ETV6: variants seen among roughly 807,000 people sequenced by gnomAD.
The protein encoded by ETV6 is ETS variant transcription factor 6.
In ETV6, 16 loss-of-function variants were observed where a neutral mutation model predicts 51.1. The ratio of observed to expected loss-of-function variants is 0.31; its 90% CI spans 0.21 to 0.48. The LOEUF is 0.48. Ranked by LOEUF, ETV6 falls within the 20% of genes least tolerant of loss-of-function variation. The probability of loss-of-function intolerance (pLI) is 0.99; values close to 1 mark genes in which losing one functional copy is unlikely to be tolerated. For missense variants in ETV6, 458 were observed against 594.8 expected, an observed-to-expected ratio of 0.77 and a Z score of 2.39; for synonymous variants, 240 against 224.1, an observed-to-expected ratio of 1.07 and a Z score of -0.64.
rs930992343 is a variant in ETV6 at position 11,894,096 on chromosome 12, C to A, written c.*3050C>A. 3 of 229,706 alleles carry A rather than the reference C, an allele frequency of 1.3e-5. No individual in the cohort carries two copies. 14.2% of individuals were successfully genotyped at this position (229,706 alleles called of 1,614,324 possible). A position where few individuals can be genotyped will look rare whatever the true frequency, so the allele number is the denominator to read the frequency against. On this transcript the variant is annotated 3_prime_UTR_variant, in exon 8 of 8. Coordinates refer to ENST00000396373, the MANE Select transcript of ETV6 (RefSeq NM_001987.5). ...AAAGATTTCAGATTCAGTTAGCAAA[C>A]CTTGATGAAGCACCTGCTGGACACT...
At position 11,663,592 on chromosome 12, in the gene ETV6, G is replaced by T. The variant is rs1217284809; in HGVS notation, c.33+13432G>T. Among the ~76,000 whole-genome samples the T allele has an allele frequency of 2.6e-5, 4 of 152,172 alleles. No homozygotes were observed. In the South Asian group the frequency reaches 8.3e-4, roughly 31 times the overall value. ...ATATAGATGTAAAATATATCTCCTT[G>T]GAGGCCTGGCTTTGTGATGGGCTAT... On this transcript the variant is annotated intron_variant, in intron 1 of 7. Coordinates refer to ENST00000396373, the MANE Select transcript of ETV6 (RefSeq NM_001987.5).
chr12:11,806,065 A>G (rs1945825581), intron 2 of ETV6, among the ~76,000 whole-genome samples: 1 of 152,128 alleles, frequency 6.6e-6, no homozygotes, highest in Admixed American at 6.5e-5. Context: ...AGATTGGTGG[A>G]GGTGGCTAGA....
intron 1 of ETV6, among the ~76,000 whole-genome samples, chr12:11,691,109 T>C (rs1864753075): frequency 6.6e-6 from 1 of 152,082 alleles, no homozygotes. Flanking sequence ...GACTTCTCAC[T>C]GTGTCCTCAC....
intron 1 of ETV6, among the ~76,000 whole-genome samples, chr12:11,732,356 A>C (rs568755132): frequency 7.4e-4 from 112 of 152,206 alleles, no homozygotes; most frequent in Non-Finnish European, 1.3e-3. Flanking sequence ...ATTTCTGTTG[A>C]TCTCAGGTTT....
chr12:11,836,556 GA>G (rs1196731676), intron 2 of ETV6, among the ~76,000 whole-genome samples: 1 of 152,172 alleles, frequency 6.6e-6, no homozygotes, highest in East Asian at 1.9e-4. Flanking sequence ...AATGGGAAGT[GA>G]AAAGAGAAAC....
chr12:11,789,231 A>G (rs1945541100), intron 2 of ETV6, among the ~76,000 whole-genome samples: 1 of 151,846 alleles, frequency 6.6e-6, no homozygotes, highest in Admixed American at 6.6e-5. Context: ...ACGGGTTTTC[A>G]CCATGTTGGC....
chr12:11,828,262 T>C (rs560665917), intron 2 of ETV6, among the ~76,000 whole-genome samples: 17 of 152,346 alleles, frequency 1.1e-4, no homozygotes, highest in South Asian at 6.2e-4. Flanking sequence ...TTATTTGCAG[T>C]GATTGACCCT....
intron 4 of ETV6, among the ~76,000 whole-genome samples, chr12:11,866,321 G>A (rs1406472639): frequency 6.6e-6 from 1 of 151,762 alleles, no homozygotes; most frequent in African/African-American, 2.4e-5. Flanking sequence ...CTGTTTGTTT[G>A]TGTTAACTCC....
rs549760807 is a variant in ETV6, at chr12:11,851,536, G to A, written c.329-1891G>A. Among the ~76,000 whole-genome samples, 8 of 152,278 alleles carry A rather than the reference G, an allele frequency of 5.3e-5. No individual in the cohort carries two copies. The East Asian group carries it at 9.6e-4, about 18-fold the overall frequency. ...TTTGGATTCAATGAATTCCGAAGCC[G>A]TTCTCAGCTCTCAAATGCAGTCATG... On this transcript the variant is annotated intron_variant, in intron 3 of 7. Coordinates refer to ENST00000396373, the MANE Select transcript of ETV6 (RefSeq NM_001987.5).
chr12:11,669,959 C>A (rs1200698857), intron 1 of ETV6, among the ~76,000 whole-genome samples: 2 of 150,966 alleles, frequency 1.3e-5, no homozygotes, highest in Non-Finnish European at 2.9e-5. Flanking sequence ...ATCTTCACAC[C>A]ATCTTCTTGC....
intron 1 of ETV6, among the ~76,000 whole-genome samples, chr12:11,651,068 C>T (rs1363081006): frequency 6.6e-6 from 1 of 152,190 alleles, no homozygotes; most frequent in African/African-American, 2.4e-5. Flanking sequence ...AGTTTGCCAC[C>T]ATTGGGAGGC....
chr12:11,749,336 CACACACACACACA>C, intron 1 of ETV6, among the ~76,000 whole-genome samples: 2 of 114,336 alleles, frequency 1.7e-5, no homozygotes, highest in Non-Finnish European at 4.1e-5. Flanking sequence ...CACACACACA[CACACACACACACA>C]CCCCTACTCC....
At chr12:11,798,953 A>C (rs1049761255) in intron 2 of ETV6, among the ~76,000 whole-genome samples, 13 of 152,198 alleles carry the variant, frequency 8.5e-5, no homozygotes, top group Non-Finnish European at 1.8e-4. Context: ...GTTCTTACCC[A>C]AGACCCAGTA....
intron 2 of ETV6, among the ~76,000 whole-genome samples, chr12:11,777,108 C>G (rs952982914): frequency 1.3e-5 from 2 of 151,934 alleles, no homozygotes; most frequent in Non-Finnish European, 2.9e-5. Context: ...GGCGTGGTGG[C>G]AGGTGCCTGT....
At position 11,829,539 on chromosome 12, in the gene ETV6, A is replaced by G. The variant is rs567865856; in HGVS notation, c.164-9601A>G. ...CACCACATTGGGCTTGCTACCCAGAAGCAAAAATGAGAAGAACTCTTCTAA... is the reference window on the plus strand; with the variant it reads ...CACCACATTGGGCTTGCTACCCAGAGGCAAAAATGAGAAGAACTCTTCTAA... On this transcript the variant is annotated intron_variant, in intron 2 of 7. Coordinates refer to ENST00000396373, the MANE Select transcript of ETV6 (RefSeq NM_001987.5). 8.0e-4 allele frequency among the ~76,000 whole-genome samples: 122 copies of G among 152,340 alleles called. 2 individuals carry two copies. The South Asian group carries it at 0.025, about 31-fold the overall frequency.
Position 11,891,299 on chromosome 12 carries a change from G to A in ETV6, c.*253G>A. Reference sequence around the variant, plus strand: ...CCATGTCACGTTTCCTTCTGATTTGGAATCTCTCCATCTGTAATTCCTCAC... The same window carrying A: ...CCATGTCACGTTTCCTTCTGATTTGAAATCTCTCCATCTGTAATTCCTCAC... On this transcript the variant is annotated 3_prime_UTR_variant, in exon 8 of 8. Coordinates refer to ENST00000396373, the MANE Select transcript of ETV6 (RefSeq NM_001987.5). The A allele has an allele frequency of 2.3e-6, 1 of 439,388 alleles. No individual in the cohort carries two copies. Among genetic ancestry groups the A allele is most frequent in the Admixed American group, 3.9e-5 (1 of 25,410 alleles). The allele number at this position is 439,388 out of a possible 1,614,324, so 27.2% of individuals were successfully genotyped here.
At chr12:11,775,984 C>T (rs1945317991) in intron 2 of ETV6, among the ~76,000 whole-genome samples, 1 of 152,190 alleles carries the variant, frequency 6.6e-6, no homozygotes, top group Non-Finnish European at 1.5e-5. Flanking sequence ...TTTCATCCAC[C>T]TTACACCATG....
At chr12:11,672,769 A>G (rs973817646) in intron 1 of ETV6, among the ~76,000 whole-genome samples, 5 of 152,230 alleles carry the variant, frequency 3.3e-5, no homozygotes, top group Admixed American at 2.6e-4. Context: ...CCGAGTGGCC[A>G]AGTCTTAAGA....
chr12:11,758,442 G>T (rs1289339239), intron 2 of ETV6, among the ~76,000 whole-genome samples: 1 of 152,122 alleles, frequency 6.6e-6, no homozygotes, highest in Non-Finnish European at 1.5e-5. Flanking sequence ...ATTAAAGAAA[G>T]GACCTAGGGT....
Sources: gnomAD v4.1 joint callset for allele counts (sites outside exome capture counted in the v4.1 genomes callset) on GRCh38, gnomAD v4.1.1 for gene constraint, MANE v1.5 for transcripts, NCBI Gene and HGNC (gene_info 2026-07-23, HGNC 2026-07-21) for gene names.